The following COL25A1 variants were observed in gnomAD, a reference collection of about 807,000 sequenced individuals.
COL25A1 encodes collagen type XXV alpha 1 chain.
A neutral mutation model predicts 128.4 loss-of-function variants in COL25A1; 103 were observed. The ratio of observed to expected loss-of-function variants is 0.80; its 90% CI spans 0.68 to 0.94. COL25A1 has a LOEUF of 0.94. Ranked by LOEUF, COL25A1 falls within the 40% of genes least tolerant of loss-of-function variation. COL25A1 has a pLI of 0.00. For missense variants in COL25A1, 745 were observed against 840.0 expected, an observed-to-expected ratio of 0.89 and a Z score of 1.40; for synonymous variants, 279 against 277.2, an observed-to-expected ratio of 1.01 and a Z score of -0.06.
At chr4:108,961,931 T>G (rs1750755256) in intron 8 of COL25A1, among the ~76,000 whole-genome samples, 1 of 152,192 alleles carries the variant, frequency 6.6e-6, no homozygotes, top group South Asian at 2.1e-4. Flanking sequence ...TAATTAAAAA[T>G]TTGATTGTAT....
intron 16 of COL25A1, among the ~76,000 whole-genome samples, chr4:108,893,149 A>G (rs1046410133): frequency 3.3e-5 from 5 of 152,158 alleles, no homozygotes; most frequent in Non-Finnish European, 5.9e-5. Flanking sequence ...TGCTATGTAG[A>G]TGTGAAGTAT....
intron 6 of COL25A1, among the ~76,000 whole-genome samples, chr4:108,978,236 G>A (rs1310897562): frequency 7.2e-5 from 11 of 152,192 alleles, no homozygotes; most frequent in Admixed American, 7.2e-4. Context: ...AAGCAAAGCC[G>A]AGGTCAACCT....
intron 3 of COL25A1, among the ~76,000 whole-genome samples, chr4:109,186,076 G>C (rs1214355506): frequency 1.3e-5 from 2 of 152,336 alleles, no homozygotes; most frequent in South Asian, 4.1e-4. Context: ...GAATGGCAAT[G>C]AGGCATCTCT....
intron 3 of COL25A1, among the ~76,000 whole-genome samples, chr4:109,175,048 T>C (rs978058287): frequency 6.6e-6 from 1 of 152,194 alleles, no homozygotes; most frequent in Non-Finnish European, 1.5e-5. Context: ...TGAGGTGGAA[T>C]AGTTTTGTGC....
chr4:109,078,760 T>C (rs1763592333), intron 3 of COL25A1, among the ~76,000 whole-genome samples: 1 of 152,200 alleles, frequency 6.6e-6, no homozygotes, highest in Non-Finnish European at 1.5e-5. Context: ...GTGACAGAAG[T>C]AGCAACACTG....
intron 5 of COL25A1, among the ~76,000 whole-genome samples, chr4:109,013,115 ACT>A (rs1561024745): frequency 1.3e-5 from 2 of 151,634 alleles, no homozygotes; most frequent in Non-Finnish European, 2.9e-5. Context: ...ACCAATCAGC[ACT>A]CTGTGTCTAG....
intron 3 of COL25A1, among the ~76,000 whole-genome samples, chr4:109,147,834 A>G (rs1278684723): frequency 6.7e-6 from 1 of 148,536 alleles, no homozygotes; most frequent in African/African-American, 2.4e-5. Context: ...AAAAAAAAAA[A>G]GTACTGGAGT....
At chr4:108,918,786 C>T (rs1198850350) in intron 12 of COL25A1, among the ~76,000 whole-genome samples, 1 of 152,204 alleles carries the variant, frequency 6.6e-6, no homozygotes, top group Admixed American at 6.5e-5. Context: ...ATGTTATACA[C>T]TGACCAGGAA....
intron 28 of COL25A1, among the ~76,000 whole-genome samples, chr4:108,845,927 G>A (rs773535692): frequency 1.6e-4 from 24 of 151,954 alleles, no homozygotes; most frequent in Admixed American, 1.5e-3. Context: ...AAAACATGAA[G>A]GCTTCCTTTA....
intron 3 of COL25A1, among the ~76,000 whole-genome samples, chr4:109,110,652 T>C (rs947920048): frequency 6.6e-6 from 1 of 152,088 alleles, no homozygotes. Context: ...TCCCCATTTT[T>C]CCTGCTCCAA....
chr4:109,134,584 C>T (rs1012281147), intron 3 of COL25A1, among the ~76,000 whole-genome samples: 5 of 152,038 alleles, frequency 3.3e-5, no homozygotes, highest in African/African-American at 9.7e-5. Flanking sequence ...TGACATAGCC[C>T]TCAGGTGTTT....
chr4:108,881,205 A>C (rs1740081819), intron 19 of COL25A1, among the ~76,000 whole-genome samples: 1 of 152,216 alleles, frequency 6.6e-6, no homozygotes, highest in South Asian at 2.1e-4. Context: ...CTAAGGTATT[A>C]GCACTTTTCT....
intron 3 of COL25A1, among the ~76,000 whole-genome samples, chr4:109,284,520 A>G (rs1246966602): frequency 6.6e-6 from 1 of 152,238 alleles, no homozygotes; most frequent in Non-Finnish European, 1.5e-5. Context: ...TAAATGGATC[A>G]CTGTAAAAAT....
chr4:109,093,469 A>C lies in COL25A1; in HGVS notation c.368-43290T>G, dbSNP rs201386055. Among the ~76,000 whole-genome samples the C allele has an allele frequency of 1.3e-4, 18 of 137,538 alleles. 1 individual carries two copies. Among genetic ancestry groups the C allele is most frequent in the African/African-American group, 2.8e-4 (10 of 35,860 alleles). The allele number at this position is 137,538 out of a possible 152,430, so 90.2% of individuals were successfully genotyped here. A position where few individuals can be genotyped will look rare whatever the true frequency, so the allele number is the denominator to read the frequency against. The stretch of plus-strand genomic sequence containing the variant: ...ACTCCATCTCTATGAAAAAAAAAAA[A>C]AAAAAAACCTTTTTTAAATTAGTTA... On this transcript the variant is annotated intron_variant, in intron 3 of 37. Coordinates refer to ENST00000399132, the MANE Select transcript of COL25A1 (RefSeq NM_198721.4).
chr4:109,057,676 C>A (rs1273862169), intron 3 of COL25A1, among the ~76,000 whole-genome samples: 1 of 151,972 alleles, frequency 6.6e-6, no homozygotes, highest in Non-Finnish European at 1.5e-5. Context: ...AAATCTAATT[C>A]TCAACATTAT....
chr4:109,293,120 T>C (rs17040290), intron 3 of COL25A1, among the ~76,000 whole-genome samples: 18,307 of 152,068 alleles, frequency 0.12, 1,351 homozygotes, highest in East Asian at 0.3. Flanking sequence ...GCTCCCAGCA[T>C]TGACCTAAGA....
At chr4:109,200,643 G>A (rs897590092) in intron 3 of COL25A1, among the ~76,000 whole-genome samples, 16 of 151,994 alleles carry the variant, frequency 1.1e-4, no homozygotes, top group Non-Finnish European at 2.1e-4. Flanking sequence ...GTAGAGATGC[G>A]GTTTCGCCAG....
intron 3 of COL25A1, among the ~76,000 whole-genome samples, chr4:109,284,598 G>C (rs1166451743): frequency 1.3e-5 from 2 of 152,150 alleles, no homozygotes; most frequent in Non-Finnish European, 2.9e-5. Flanking sequence ...GAAAGCCATG[G>C]GGCTCTGTGC....
chr4:109,179,647 C>T (rs1774441460), intron 3 of COL25A1, among the ~76,000 whole-genome samples: 1 of 152,178 alleles, frequency 6.6e-6, no homozygotes, highest in African/African-American at 2.4e-5. Flanking sequence ...TGTTATAAAG[C>T]TGTCTTTTTT....
Sources: allele counts gnomAD v4.1 joint callset (sites outside exome capture counted in the v4.1 genomes callset), GRCh38; gene constraint gnomAD v4.1.1; transcripts MANE v1.5; gene names NCBI Gene and HGNC (gene_info 2026-07-23, HGNC 2026-07-21).